Variants in ZNF333 observed in about 807,000 individuals in gnomAD.
ZNF333 encodes the protein zinc finger protein 333.
ZNF333 carries 61 observed loss-of-function variants against 76.1 expected under a neutral mutation model. The ratio of observed to expected loss-of-function variants is 0.80; its 90% CI spans 0.65 to 0.99. ZNF333 has a LOEUF of 0.99. ZNF333 is among the 50% of genes least tolerant of loss of function. The pLI, the probability that ZNF333 is intolerant of heterozygous loss-of-function variation, is 0.00. For missense variants in ZNF333, 717 were observed against 822.4 expected (o/e 0.87, Z 1.57); for synonymous variants, 284 against 305.0 (o/e 0.93, Z 0.72).
chr19:14,710,452 A>G (rs771413175), intron 7 of ZNF333, among the ~76,000 whole-genome samples: 52 of 152,186 alleles, frequency 3.4e-4, no homozygotes, highest in Admixed American at 1.8e-3. Flanking sequence ...CGTGGCTGTG[A>G]TTTATTACCA....
intron 7 of ZNF333, among the ~76,000 whole-genome samples, chr19:14,712,938 A>G (rs1419755966): frequency 2.6e-5 from 4 of 152,118 alleles, no homozygotes; most frequent in African/African-American, 4.8e-5. Context: ...AGTCCCCCCA[A>G]ATTCATGTCC....
exon 12 of ZNF333, chr19:14,732,637 A>G (rs1275490867): frequency 6.6e-6 from 1 of 152,242 alleles, no homozygotes. Flanking sequence ...CATTTTTCAA[A>G]TGGGTGAAAA....
chr19:14,705,101 G>A lies in ZNF333; in HGVS notation c.354G>A (p.Glu118=). The change falls in exon 6 of 12, where the codon GAG becomes GAA. Residue 118 remains glutamate, a synonymous_variant. Coordinates refer to ENST00000292530, the MANE Select transcript of ZNF333 (RefSeq NM_032433.4). The stretch of plus-strand genomic sequence containing the variant: ...TGCAGCTGGTGCCCTCCATAGAAGA[G>A]AGGGAGACACCATTGACTCGAGAGG... ...LRMQLVPSIE[E]RETPLTREDR... is the part of the protein sequence containing the mutation. 1 of 1,614,110 alleles carries A rather than the reference G, an allele frequency of 6.2e-7. No homozygotes were observed. Among genetic ancestry groups the A allele is most frequent in the East Asian group, 2.2e-5 (1 of 44,868 alleles).
chr19:14,718,233 A>G lies in ZNF333; in HGVS notation c.906A>G (p.Gln302=), dbSNP rs969507326. Reference sequence around the variant, plus strand: ...ACATTTTCCTTCATCGACAGGAGCAACCTCAGCCTGGAGAAAAACTCTATA... The same window carrying G: ...ACATTTTCCTTCATCGACAGGAGCAGCCTCAGCCTGGAGAAAAACTCTATA... ...EILSIDVKGE[Q]PQPGEKLYKY... is the part of the protein sequence containing the mutation. Residue 302 remains glutamine, a synonymous_variant, in exon 12 of 12, where the codon CAA becomes CAG. Coordinates refer to ENST00000292530, the MANE Select transcript of ZNF333 (RefSeq NM_032433.4). The G allele has an allele frequency of 8.1e-6, 13 of 1,607,210 alleles. No individual in the cohort carries two copies. The highest frequency in any genetic ancestry group is 1.1e-5 in the Non-Finnish European group (13 of 1,176,410).
intron 9 of ZNF333, 149 bp from the exon 10 acceptor site, chr19:14,716,845 G>T: frequency 1.6e-6 from 1 of 643,860 alleles, no homozygotes; most frequent in Non-Finnish European, 2.6e-6. Context: ...TAGTTGCTCA[G>T]TGGAAGAGTT....
Position 14,720,961 on chromosome 19 carries a change from C to T in ZNF333, c.*1636C>T. On this transcript the variant is annotated 3_prime_UTR_variant, in exon 12 of 12. Transcript: ENST00000292530. Reference sequence around the variant, plus strand: ...ATACTGACATTTTTTACATTTCCAACAAATTGTTACTTTTATTCTTATAAA... The same window carrying T: ...ATACTGACATTTTTTACATTTCCAATAAATTGTTACTTTTATTCTTATAAA... 1.1e-6 allele frequency: 1 copy of T among 910,988 alleles called. No homozygotes were observed. Among genetic ancestry groups the T allele is most frequent in the Non-Finnish European group, 1.3e-6 (1 of 762,338 alleles). 56.4% of individuals were successfully genotyped at this position (910,988 alleles called of 1,614,324 possible).
downstream of ZNF333, among the ~76,000 whole-genome samples, chr19:14,723,956 G>T (rs925062315): frequency 2.6e-5 from 4 of 152,178 alleles, no homozygotes; most frequent in African/African-American, 4.8e-5. Flanking sequence ...GACATTCAAG[G>T]TGACAGATCA....
chr19:14,720,200 T>TA lies in ZNF333; in HGVS notation c.*883dup, dbSNP rs1275795444. The TA allele has an allele frequency of 1.0e-5, 10 of 982,852 alleles. No individual in the cohort carries two copies. The African/African-American group carries it at 1.4e-4, about 14-fold the overall frequency. The allele number at this position is 982,852 out of a possible 1,614,324, so 60.9% of individuals were successfully genotyped here. On this transcript the variant is annotated 3_prime_UTR_variant, in exon 12 of 12. Transcript: ENST00000292530. ...AACTCTGTCTCAAAAATAATAATAA[T>TA]AAAAAAAAGCTTCCATCTCCCAGCC...
intron 5 of ZNF333, among the ~76,000 whole-genome samples, chr19:14,703,384 A>G (rs888065780): frequency 3.9e-5 from 6 of 152,140 alleles, no homozygotes; most frequent in South Asian, 4.1e-4. Flanking sequence ...CAGCCAGACC[A>G]TATCAGCCCA....
chr19:14,722,868 C>T (rs763650331), downstream of ZNF333, among the ~76,000 whole-genome samples: 3 of 152,190 alleles, frequency 2.0e-5, no homozygotes, highest in East Asian at 3.9e-4. Flanking sequence ...TTACCGCAAC[C>T]TCCGCCTCCC....
intron 1 of ZNF333, among the ~76,000 whole-genome samples, chr19:14,692,424 A>C (rs2146943052): frequency 6.6e-6 from 1 of 152,312 alleles, no homozygotes; most frequent in African/African-American, 2.4e-5. Context: ...GAGAAAGCTA[A>C]AGTAGAGAAA....
chr19:14,696,857 G>A (rs1418168420), intron 4 of ZNF333, among the ~76,000 whole-genome samples: 2 of 149,792 alleles, frequency 1.3e-5, no homozygotes, highest in Non-Finnish European at 3.0e-5. Context: ...TCCTGCCTGA[G>A]TCTCCTGAGT....
chr19:14,699,304 C>T lies in ZNF333; in HGVS notation c.306+23C>T, dbSNP rs780484724. The T allele has an allele frequency of 2.0e-5, 32 of 1,602,786 alleles. No individual in the cohort carries two copies. The East Asian group carries it at 3.1e-4, about 16-fold the overall frequency. On this transcript the variant is annotated intron_variant, in intron 5 of 11. Coordinates refer to ENST00000292530, the MANE Select transcript of ZNF333 (RefSeq NM_032433.4). ...ATGGTAAGATGCACGGGGTTTTCCC[C>T]GGCTCCCAGCATGGGAGAAGTTGAG...
intron 7 of ZNF333, chr19:14,708,686 T>G (rs2042189459): frequency 3.6e-6 from 1 of 278,236 alleles, no homozygotes; most frequent in Middle Eastern, 1.0e-3. Flanking sequence ...CTACGAGCAC[T>G]TTTCCTCTAT....
chr19:14,697,775 C>G (rs1197734389), intron 4 of ZNF333, among the ~76,000 whole-genome samples: 1 of 152,166 alleles, frequency 6.6e-6, no homozygotes, highest in Non-Finnish European at 1.5e-5. Context: ...ACTGTCGTAC[C>G]ACTTTCCAAC....
chr19:14,703,274 G>A (rs1408298811), intron 5 of ZNF333, among the ~76,000 whole-genome samples: 1 of 151,796 alleles, frequency 6.6e-6, no homozygotes, highest in Non-Finnish European at 1.5e-5. Context: ...GCAGCATGGG[G>A]GTAACTGCCT....
At chr19:14,715,347 G>A (rs372458106) in intron 7 of ZNF333, 35 bp from the exon 8 acceptor site, 243 of 1,604,404 alleles carry the variant, frequency 1.5e-4, no homozygotes, top group Non-Finnish European at 1.8e-4. Context: ...AGTAGGCCAG[G>A]CACCAACCCT....
chr19:14,731,420 C>A (rs1172152046), exon 12 of ZNF333: 15 of 565,534 alleles, frequency 2.7e-5, no homozygotes, highest in Non-Finnish European at 4.4e-5. Context: ...TTGTAGGTTC[C>A]CCGCAAGGAG....
At chr19:14,705,941 C>T (rs141270499) in intron 6 of ZNF333, 193 of 354,888 alleles carry the variant, frequency 5.4e-4, no homozygotes, top group African/African-American at 3.8e-3. Context: ...CTGTAAGGCA[C>T]GTCCTGAGCC....
Sources: allele counts gnomAD v4.1 joint callset (sites outside exome capture counted in the v4.1 genomes callset), GRCh38; gene constraint gnomAD v4.1.1; transcripts MANE v1.5; gene names NCBI Gene and HGNC (gene_info 2026-07-23, HGNC 2026-07-21).